Variants in GLI3 observed in about 807,000 individuals in gnomAD.
The protein encoded by GLI3 is transcription activator GLI3.
Under a neutral mutation model 100.8 loss-of-function variants are expected in GLI3, and 20 were observed. The ratio of observed to expected loss-of-function variants is 0.20; its 90% CI spans 0.14 to 0.29. The LOEUF (loss-of-function observed/expected upper bound fraction) is 0.29, where lower values mean the gene tolerates loss of function less well. Among genes scored for constraint, GLI3 ranks in the 10% least tolerant of loss-of-function variants. The probability of loss-of-function intolerance (pLI) is 1.00; values close to 1 mark genes in which losing one functional copy is unlikely to be tolerated. For synonymous variants in GLI3, 938 were observed against 860.5 expected, an observed-to-expected ratio of 1.09 and a Z score of -1.58; for missense variants, 2,040 against 2,128.5, an observed-to-expected ratio of 0.96 and a Z score of 0.82.
chr7:42,210,679 C>T (rs3801225), intron 2 of GLI3, among the ~76,000 whole-genome samples: 9 of 151,490 alleles, frequency 5.9e-5, no homozygotes, highest in Admixed American at 6.6e-5. Context: ...AAAATCATAT[C>T]TTTTTTTTTC....
intron 1 of GLI3, among the ~76,000 whole-genome samples, chr7:42,235,396 T>A (rs1028529361): frequency 6.6e-6 from 1 of 152,154 alleles, no homozygotes; most frequent in Non-Finnish European, 1.5e-5. Context: ...TTAAATAGAC[T>A]GAAAAGAGCT....
At chr7:42,158,826 C>T (rs1787065269) in intron 2 of GLI3, among the ~76,000 whole-genome samples, 1 of 152,144 alleles carries the variant, frequency 6.6e-6, no homozygotes. Context: ...AATTATTCTG[C>T]CTCTTCCTCT....
At chr7:42,117,405 T>C (rs1218692200) in intron 3 of GLI3, among the ~76,000 whole-genome samples, 1 of 152,238 alleles carries the variant, frequency 6.6e-6, no homozygotes, top group African/African-American at 2.4e-5. Flanking sequence ...TTTTACATGT[T>C]GCAGTACCAA....
chr7:42,068,239 A>C (rs566776391), intron 4 of GLI3, among the ~76,000 whole-genome samples: 1 of 152,384 alleles, frequency 6.6e-6, no homozygotes, highest in East Asian at 1.9e-4. Flanking sequence ...AAATTAGCTA[A>C]GTCAGCACAG....
At chr7:42,244,608 G>T (rs147198274) in intron 1 of GLI3, among the ~76,000 whole-genome samples, 123 of 152,204 alleles carry the variant, frequency 8.1e-4, no homozygotes, top group African/African-American at 2.7e-3. Flanking sequence ...GTATGGGCCA[G>T]GCAATTAAGG....
At chr7:42,093,304 G>A (rs1355490015) in intron 3 of GLI3, among the ~76,000 whole-genome samples, 3 of 151,450 alleles carry the variant, frequency 2.0e-5, no homozygotes, top group Non-Finnish European at 4.4e-5. Flanking sequence ...ACTTGAACCC[G>A]GGAGGCGGCG....
intron 2 of GLI3, among the ~76,000 whole-genome samples, chr7:42,158,216 C>G (rs1787049073): frequency 6.6e-6 from 1 of 152,214 alleles, no homozygotes; most frequent in Non-Finnish European, 1.5e-5. Context: ...TTACTAAACG[C>G]CAGGCCAGTG....
chr7:41,983,352 A>C (rs1056233542), intron 10 of GLI3, among the ~76,000 whole-genome samples: 1 of 152,232 alleles, frequency 6.6e-6, no homozygotes, highest in South Asian at 2.1e-4. Context: ...CATTAGGCCA[A>C]ACTTCACTGT....
At chr7:42,208,216 C>T (rs1281049750) in intron 2 of GLI3, among the ~76,000 whole-genome samples, 4 of 151,966 alleles carry the variant, frequency 2.6e-5, no homozygotes, top group Non-Finnish European at 5.9e-5. Context: ...CAGAGGAGAG[C>T]AGGGAATAGC....
At chr7:42,201,212 C>G (rs911451735) in intron 2 of GLI3, among the ~76,000 whole-genome samples, 23 of 152,238 alleles carry the variant, frequency 1.5e-4, no homozygotes, top group South Asian at 6.2e-4. Context: ...ATATATCTCT[C>G]TCTCTCTCTG....
At chr7:42,044,494 G>A (rs1784205035) in intron 6 of GLI3, among the ~76,000 whole-genome samples, 1 of 152,036 alleles carries the variant, frequency 6.6e-6, no homozygotes, top group African/African-American at 2.4e-5. Context: ...CACACCTAAG[G>A]GACCCCAAAA....
intron 3 of GLI3, among the ~76,000 whole-genome samples, chr7:42,078,726 G>GTTT (rs10709803): frequency 8.5e-5 from 8 of 94,672 alleles, no homozygotes; most frequent in African/African-American, 1.4e-4. Flanking sequence ...ATTTATCACA[G>GTTT]TTTTTTTTTT....
Position 41,966,133 on chromosome 7 carries a change from G to A in GLI3, c.2940C>T (p.Ser980=). The change falls in exon 15 of 15, where the codon AGC becomes AGT. Residue 980 remains serine (S), a synonymous_variant. Transcript: ENST00000395925. The surrounding 1 kb of genome is among the most constrained non-coding windows in gnomAD (Gnocchi z 5.8). Reference sequence around the variant, plus strand: ...GCCCGTAGCCGTGGGCTCCCCCGTCGCTGCACCTCCTCGGGGCATGAACTG... The same window carrying A: ...GCCCGTAGCCGTGGGCTCCCCCGTCACTGCACCTCCTCGGGGCATGAACTG... ...LPPVHAPRRC[S]DGGAHGYGRR... 2 of 1,588,724 alleles carry A rather than the reference G, an allele frequency of 1.3e-6. No homozygotes were observed. The highest frequency in any genetic ancestry group is 1.7e-6 in the Non-Finnish European group (2 of 1,172,080).
At chr7:42,048,425 C>A (rs551827134) in intron 5 of GLI3, 66 bp downstream of exon 5, 2 of 1,058,180 alleles carry the variant, frequency 1.9e-6, no homozygotes, top group African/African-American at 3.1e-5. Flanking sequence ...ACTTTATACA[C>A]GTCCCGAGTG....
At position 42,048,571 on chromosome 7, in the gene GLI3, T is replaced by G; in HGVS notation, c.599A>C (p.Tyr200Ser). 2 of 1,612,336 alleles carry G rather than the reference T, an allele frequency of 1.2e-6. No homozygotes were observed. The highest frequency in any genetic ancestry group is 1.7e-6 in the Non-Finnish European group (2 of 1,179,280). Residue 200 changes from tyrosine (Y) to serine (S), a missense_variant, in exon 5 of 15, where the codon TAC becomes TCC. Around this residue, in one of 5 missense-constraint regions of GLI3, gnomAD observed 603 missense variants for 690.9 expected, o/e 0.87. Coordinates refer to ENST00000395925, the MANE Select transcript of GLI3 (RefSeq NM_000168.6). Reference sequence around the variant, plus strand: ...GTGCAAGGAGCGGATATAGTCCATGTAGGGATTAATGTAGGGATGTGGAGG... The same window carrying G: ...GTGCAAGGAGCGGATATAGTCCATGGAGGGATTAATGTAGGGATGTGGAGG... ...FSPPHPYINP[Y>S]MDYIRSLHSS...
Position 41,977,591 on chromosome 7 carries a change from G to A in GLI3, c.1779C>T (p.Arg593=), listed in dbSNP as rs371786696. Reference sequence around the variant, plus strand: ...AATGCGTTCTGTTTTGGTGTTTGGCGCGATCAGAGGCATTTGAGAAAGCCT... The same window carrying A: ...AATGCGTTCTGTTTTGGTGTTTGGCACGATCAGAGGCATTTGAGAAAGCCT... ...CNKAFSNASD[R]AKHQNRTHSN... is the part of the protein sequence containing the mutation. The change falls in exon 12 of 15, where the codon CGC becomes CGT. Residue 593 remains arginine (R), a synonymous_variant. Transcript: ENST00000395925. 2.4e-5 allele frequency: 39 copies of A among 1,614,196 alleles called. No homozygotes were observed. Among genetic ancestry groups the A allele is most frequent in the South Asian group, 8.8e-5 (8 of 91,084 alleles).
intron 2 of GLI3, among the ~76,000 whole-genome samples, chr7:42,177,644 A>G (rs1787507113): frequency 6.6e-6 from 1 of 152,214 alleles, no homozygotes; most frequent in South Asian, 2.1e-4. Context: ...GATCATCAGT[A>G]AGCAGCTTAT....
chr7:42,186,557 T>C (rs1029500718), intron 2 of GLI3, among the ~76,000 whole-genome samples: 3 of 152,200 alleles, frequency 2.0e-5, no homozygotes, highest in African/African-American at 7.2e-5. Flanking sequence ...AGCAGCGGAA[T>C]GACAACTGCC....
intron 4 of GLI3, among the ~76,000 whole-genome samples, chr7:42,056,078 A>T (rs1442890147): frequency 6.6e-6 from 1 of 152,158 alleles, no homozygotes; most frequent in East Asian, 1.9e-4. Context: ...AGTGCCTTTC[A>T]TCTTCCACCA....
Sources: allele counts gnomAD v4.1 joint callset (sites outside exome capture counted in the v4.1 genomes callset), GRCh38; gene constraint gnomAD v4.1.1; regional missense constraint gnomAD v4.1.1; non-coding constraint Gnocchi (gnomAD v3.1); transcripts MANE v1.5; gene names NCBI Gene and HGNC (gene_info 2026-07-23, HGNC 2026-07-21).